CA8: variants seen among roughly 807,000 people sequenced by gnomAD.
CA8 encodes carbonic anhydrase 8 (inactive), also known as carbonic anhydrase-related protein.
In CA8, 22 loss-of-function variants were observed where a neutral mutation model predicts 41.4. That is an observed-to-expected ratio of 0.53 (90% confidence interval 0.38 to 0.76). The LOEUF (loss-of-function observed/expected upper bound fraction) is 0.76, where lower values mean the gene tolerates loss of function less well. Among genes scored for constraint, CA8 ranks in the 30% least tolerant of loss-of-function variants. The probability of loss-of-function intolerance (pLI) is 0.00; values close to 1 mark genes in which losing one functional copy is unlikely to be tolerated. For synonymous variants in CA8, 121 were observed against 130.6 expected (o/e 0.93, Z 0.50); for missense variants, 270 against 352.8 (o/e 0.77, Z 1.88).
chr8:60,218,305 G>C (rs888420888), intron 7 of CA8, among the ~76,000 whole-genome samples: 1 of 150,222 alleles, frequency 6.7e-6, no homozygotes, highest in Admixed American at 6.6e-5. Flanking sequence ...CAAATGACTG[G>C]GTTTTTTTTT....
intron 5 of CA8, among the ~76,000 whole-genome samples, chr8:60,225,724 T>C (rs1352763649): frequency 6.6e-6 from 1 of 152,300 alleles, no homozygotes; most frequent in East Asian, 1.9e-4. Context: ...ACAAGTTCAA[T>C]TTCTGCTCTG....
chr8:60,241,824 G>A (rs1311149102), intron 3 of CA8, among the ~76,000 whole-genome samples: 1 of 150,760 alleles, frequency 6.6e-6, no homozygotes, highest in Non-Finnish European at 1.5e-5. Flanking sequence ...TTATTATTTT[G>A]TAAAATAAAG....
intron 8 of CA8, among the ~76,000 whole-genome samples, chr8:60,200,871 G>A (rs183344990): frequency 6.6e-6 from 1 of 151,970 alleles, no homozygotes; most frequent in Non-Finnish European, 1.5e-5. Flanking sequence ...AGGTCTTCTT[G>A]TCTTTTATTA....
rs945676839 is a variant in CA8, at chr8:60,280,936, G to A, written c.100+112C>T. On this transcript the variant is annotated intron_variant, in intron 1 of 8. Transcript: ENST00000317995. ...GTGGCAGAGACCCCCGTGGGAAAGA[G>A]GGGGCGTGGGGGTGCTCGGAGCGCG... The A allele has an allele frequency of 5.2e-6, 4 of 769,982 alleles. No homozygotes were observed. In the African/African-American group the frequency reaches 6.9e-5, roughly 13 times the overall value. 47.7% of individuals were successfully genotyped at this position (769,982 alleles called of 1,614,324 possible). A position where few individuals can be genotyped will look rare whatever the true frequency, so the allele number is the denominator to read the frequency against.
At chr8:60,204,879 C>T (rs1806532400) in intron 8 of CA8, among the ~76,000 whole-genome samples, 1 of 152,174 alleles carries the variant, frequency 6.6e-6, no homozygotes, top group African/African-American at 2.4e-5. Flanking sequence ...TGAACATTCT[C>T]ACTTTCCTTT....
At chr8:60,234,305 T>A (rs1394052151) in intron 3 of CA8, among the ~76,000 whole-genome samples, 1 of 152,034 alleles carries the variant, frequency 6.6e-6, no homozygotes, top group African/African-American at 2.4e-5. Flanking sequence ...TAAGAAGACA[T>A]GAGAACTAAA....
intron 3 of CA8, among the ~76,000 whole-genome samples, chr8:60,260,714 TC>T (rs1477653350): frequency 2.0e-5 from 3 of 152,216 alleles, no homozygotes; most frequent in African/African-American, 4.8e-5. Flanking sequence ...TCTTGAAAGT[TC>T]CTTTTAAATC....
intron 1 of CA8, 151 bp from the exon 2 acceptor site, chr8:60,280,031 T>A: frequency 1.6e-6 from 1 of 630,456 alleles, no homozygotes; most frequent in Non-Finnish European, 2.6e-6. Flanking sequence ...ATTCTATTTG[T>A]TTTTGCATTC....
intron 8 of CA8, 124 bp from the exon 9 acceptor site, chr8:60,190,109 A>G (rs1806073134): frequency 6.6e-6 from 1 of 152,008 alleles, no homozygotes; most frequent in African/African-American, 2.4e-5. Context: ...GAAAATGTGG[A>G]AATTTCAAAA....
At chr8:60,216,075 T>C (rs1807011296) in intron 7 of CA8, among the ~76,000 whole-genome samples, 1 of 152,200 alleles carries the variant, frequency 6.6e-6, no homozygotes, top group African/African-American at 2.4e-5. Context: ...CATTGTTCCT[T>C]TTGCTATGTT....
intron 7 of CA8, among the ~76,000 whole-genome samples, chr8:60,216,495 C>T (rs1807027103): frequency 1.3e-5 from 2 of 152,120 alleles, no homozygotes; most frequent in Non-Finnish European, 2.9e-5. Context: ...TGAGATTATT[C>T]CTTCTAATAT....
chr8:60,215,376 C>G (rs1429092675), intron 7 of CA8, among the ~76,000 whole-genome samples: 1 of 150,084 alleles, frequency 6.7e-6, no homozygotes, highest in African/African-American at 2.4e-5. Context: ...CACACACACA[C>G]ACACACACCG....
intron 8 of CA8, among the ~76,000 whole-genome samples, chr8:60,200,502 C>T (rs942674550): frequency 5.9e-5 from 9 of 152,186 alleles, no homozygotes; most frequent in Middle Eastern, 3.4e-3. Flanking sequence ...AGAACCATAA[C>T]CTATATATAA....
rs569171405 is a variant in CA8 at position 60,236,356 on chromosome 8, C to T, written c.418-3977G>A. Reference sequence around the variant, plus strand: ...GCCTACCTTGCAGATTTCAGATTTGCCAGCCCCCACAACTACATGAACCAG... The same window carrying T: ...GCCTACCTTGCAGATTTCAGATTTGTCAGCCCCCACAACTACATGAACCAG... On this transcript the variant is annotated intron_variant, in intron 3 of 8. Transcript: ENST00000317995. Among the ~76,000 whole-genome samples the T allele has an allele frequency of 9.8e-5, 15 of 152,288 alleles. No homozygotes were observed. In the South Asian group the frequency reaches 1.7e-3, roughly 17 times the overall value.
chr8:60,251,866 C>G (rs1808463602), intron 3 of CA8, among the ~76,000 whole-genome samples: 2 of 152,170 alleles, frequency 1.3e-5, no homozygotes, highest in African/African-American at 4.8e-5. Flanking sequence ...GCTCAAGAAA[C>G]AAAAGTCTAG....
chr8:60,237,939 C>T (rs1014918734), intron 3 of CA8, among the ~76,000 whole-genome samples: 2 of 152,176 alleles, frequency 1.3e-5, no homozygotes, highest in African/African-American at 4.8e-5. Flanking sequence ...AGCATGATGA[C>T]CATTATGTCT....
chr8:60,278,358 C>T (rs1293822657), intron 2 of CA8, among the ~76,000 whole-genome samples: 2 of 152,186 alleles, frequency 1.3e-5, no homozygotes, highest in Non-Finnish European at 2.9e-5. Context: ...AATTTATATG[C>T]AACCAATATT....
At chr8:60,253,929 G>C (rs924824375) in intron 3 of CA8, among the ~76,000 whole-genome samples, 3 of 152,138 alleles carry the variant, frequency 2.0e-5, no homozygotes, top group Non-Finnish European at 4.4e-5. Context: ...AGTAGCCACA[G>C]TAGCTTTTGA....
intron 8 of CA8, among the ~76,000 whole-genome samples, chr8:60,201,722 G>A (rs998706721): frequency 5.9e-5 from 9 of 151,930 alleles, no homozygotes; most frequent in African/African-American, 7.3e-5. Context: ...TAAATATGAC[G>A]TTCACAGAAG....
Sources: allele counts gnomAD v4.1 joint callset (sites outside exome capture counted in the v4.1 genomes callset), GRCh38; gene constraint gnomAD v4.1.1; transcripts MANE v1.5; gene names NCBI Gene and HGNC (gene_info 2026-07-23, HGNC 2026-07-21).